The following PIK3R4 variants were observed in gnomAD, a reference collection of about 807,000 sequenced individuals.
The protein encoded by PIK3R4 is phosphoinositide-3-kinase regulatory subunit 4.
A neutral mutation model predicts 136.5 loss-of-function variants in PIK3R4; 46 were observed. That is an observed-to-expected ratio of 0.34 (90% CI 0.27 to 0.43). The LOEUF (loss-of-function observed/expected upper bound fraction) is 0.43, where lower values mean the gene tolerates loss of function less well. PIK3R4 is among the 20% of genes least tolerant of loss of function. The pLI is 1.00. For synonymous variants in PIK3R4, 557 were observed against 566.7 expected (o/e 0.98, Z 0.24); for missense variants, 1,331 against 1,649.5 (o/e 0.81, Z 3.35).
At chr3:130,731,810 C>T (rs1432929293) in intron 4 of PIK3R4, among the ~76,000 whole-genome samples, 2 of 152,188 alleles carry the variant, frequency 1.3e-5, no homozygotes, top group Admixed American at 6.5e-5. Context: ...TAACCATACA[C>T]ATTCAAATAC....
At chr3:130,690,405 C>G in intron 14 of PIK3R4, 85 bp downstream of exon 14, 1 of 711,094 alleles carries the variant, frequency 1.4e-6, no homozygotes, top group Non-Finnish European at 2.1e-6. Flanking sequence ...TTAGTTGATC[C>G]CAACTACATT....
chr3:130,705,113 G>A (rs879811568), intron 12 of PIK3R4, among the ~76,000 whole-genome samples: 4 of 152,132 alleles, frequency 2.6e-5, no homozygotes, highest in Non-Finnish European at 4.4e-5. Context: ...TTACAGGCAT[G>A]AGCCACCACA....
chr3:130,692,180 G>A (rs1158219942), intron 13 of PIK3R4, among the ~76,000 whole-genome samples: 1 of 151,804 alleles, frequency 6.6e-6, no homozygotes, highest in Non-Finnish European at 1.5e-5. Context: ...TGGCCTAGTT[G>A]TTTTTCTTAA....
At chr3:130,682,740 C>T (rs1489067479) in intron 16 of PIK3R4, among the ~76,000 whole-genome samples, 1 of 152,134 alleles carries the variant, frequency 6.6e-6, no homozygotes, top group Admixed American at 6.6e-5. Context: ...CCCCCTACAC[C>T]CAAACCTTTG....
intron 13 of PIK3R4, among the ~76,000 whole-genome samples, chr3:130,700,775 GCA>G (rs1350249016): frequency 1.3e-5 from 2 of 152,264 alleles, no homozygotes; most frequent in East Asian, 3.9e-4. Context: ...CTTGGCTCTG[GCA>G]ATAAGAATTG....
At chr3:130,699,985 G>T (rs1040338591) in intron 13 of PIK3R4, among the ~76,000 whole-genome samples, 1 of 152,170 alleles carries the variant, frequency 6.6e-6, no homozygotes, top group Non-Finnish European at 1.5e-5. Context: ...CTATATGAGA[G>T]TGCATCAATG....
At chr3:130,715,515 T>A (rs1416109596) in intron 9 of PIK3R4, among the ~76,000 whole-genome samples, 1 of 152,208 alleles carries the variant, frequency 6.6e-6, no homozygotes, top group African/African-American at 2.4e-5. Context: ...TCATGAGTGA[T>A]GTTAAGCTTT....
At chr3:130,706,480 T>C (rs1018211575) in intron 11 of PIK3R4, among the ~76,000 whole-genome samples, 8 of 152,214 alleles carry the variant, frequency 5.3e-5, no homozygotes, top group African/African-American at 1.9e-4. Context: ...TTTCACACCA[T>C]ATAAACTCAC....
chr3:130,700,831 C>T (rs1334385907), intron 13 of PIK3R4, among the ~76,000 whole-genome samples: 3 of 152,160 alleles, frequency 2.0e-5, no homozygotes, highest in South Asian at 2.1e-4. Context: ...GTGATAAGGG[C>T]GACACACTGC....
chr3:130,724,554 A>G (rs2066720928), intron 6 of PIK3R4, among the ~76,000 whole-genome samples: 1 of 152,122 alleles, frequency 6.6e-6, no homozygotes, highest in Non-Finnish European at 1.5e-5. Context: ...AGAATGTATT[A>G]TTAACTATGA....
At chr3:130,697,063 C>CTTTTTTTTTTTTT (rs60432343) in intron 13 of PIK3R4, among the ~76,000 whole-genome samples, 1 of 73,024 alleles carries the variant, frequency 1.4e-5, no homozygotes. Context: ...GCCACTCCAG[C>CTTTTTTTTTTTTT]TTTTTTTTTT....
chr3:130,705,753 C>G lies in PIK3R4; in HGVS notation c.2740G>C (p.Val914Leu). ...TSSQVPEVTT[V>L]QNKKPVIPVL... ...GGTATTACTGGTTTTTTATTTTGGA[C>G]AGTTGTCACTTCTGGAACCTACAAA... Residue 914 changes from valine (V) to leucine (L), a missense_variant, in exon 12 of 20, where the codon GTC becomes CTC. Around this residue, in one of 2 missense-constraint regions of PIK3R4, gnomAD observed 1,180 missense variants for 1,407.0 expected, o/e 0.84. Transcript: ENST00000356763. The G allele has an allele frequency of 6.2e-6, 10 of 1,604,502 alleles. No individual in the cohort carries two copies. The highest frequency in any genetic ancestry group is 8.5e-6 in the Non-Finnish European group (10 of 1,171,376).
rs778561819 is a variant in PIK3R4 at position 130,745,267 on chromosome 3, G to T, written c.-46-3C>A. 8 of 1,490,016 alleles carry T rather than the reference G, an allele frequency of 5.4e-6. No individual in the cohort carries two copies. The East Asian group carries it at 1.6e-4, about 30-fold the overall frequency. The allele number at this position is 1,490,016 out of a possible 1,614,324, so 92.3% of individuals were successfully genotyped here. A position where few individuals can be genotyped will look rare whatever the true frequency, so the allele number is the denominator to read the frequency against. On this transcript the variant is annotated splice_polypyrimidine_tract_variant and splice_region_variant and intron_variant, in intron 1 of 19. Transcript: ENST00000356763. ...TTAGTAAGGTTAGGATATAATACCT[G>T]TTTAAAATAAAAACAAATGAAGAAA...
chr3:130,730,979 T>C (rs2107618660), intron 4 of PIK3R4, among the ~76,000 whole-genome samples: 1 of 152,362 alleles, frequency 6.6e-6, no homozygotes, highest in Non-Finnish European at 1.5e-5. Flanking sequence ...TTACAAGTGA[T>C]ACTCAAGTTC....
At chr3:130,702,204 T>C (rs2066578411) in intron 13 of PIK3R4, among the ~76,000 whole-genome samples, 1 of 152,088 alleles carries the variant, frequency 6.6e-6, no homozygotes, top group Non-Finnish European at 1.5e-5. Flanking sequence ...AATGAATAGT[T>C]ATAAAACAGA....
At chr3:130,691,424 A>G (rs1576451546) in intron 13 of PIK3R4, among the ~76,000 whole-genome samples, 1 of 152,188 alleles carries the variant, frequency 6.6e-6, no homozygotes, top group Non-Finnish European at 1.5e-5. Flanking sequence ...CATAAATGCA[A>G]AATTATAATA....
At chr3:130,741,611 G>C (rs1170183111) in intron 2 of PIK3R4, among the ~76,000 whole-genome samples, 2 of 152,126 alleles carry the variant, frequency 1.3e-5, no homozygotes, top group Non-Finnish European at 2.9e-5. Flanking sequence ...TCATCAGAGA[G>C]GCCTTCCCTG....
intron 18 of PIK3R4, 52 bp from the exon 19 acceptor site, chr3:130,680,773 C>T (rs2066452915): frequency 4.3e-6 from 5 of 1,150,352 alleles, no homozygotes; most frequent in Non-Finnish European, 6.4e-6. Context: ...ATGGGAGGAA[C>T]TAATAATCAT....
chr3:130,728,279 C>A (rs962869299), intron 6 of PIK3R4, among the ~76,000 whole-genome samples, 184 bp downstream of exon 6: 3 of 152,102 alleles, frequency 2.0e-5, no homozygotes, highest in African/African-American at 7.2e-5. Context: ...GGTTGATATA[C>A]CAACCCTTTA....
Sources: allele counts gnomAD v4.1 joint callset (sites outside exome capture counted in the v4.1 genomes callset), GRCh38; gene constraint gnomAD v4.1.1; regional missense constraint gnomAD v4.1.1; transcripts MANE v1.5; gene names NCBI Gene and HGNC (gene_info 2026-07-23, HGNC 2026-07-21).